The following ABI3BP variants were observed in gnomAD, a reference collection of about 807,000 sequenced individuals.
ABI3BP encodes ABI family member 3 binding protein.
A neutral mutation model predicts 268.6 loss-of-function variants in ABI3BP; 216 were observed. The ratio of observed to expected loss-of-function variants is 0.80; its 90% CI spans 0.72 to 0.90. The LOEUF is 0.90. Among genes scored for constraint, ABI3BP ranks in the 40% least tolerant of loss-of-function variants. The pLI is 0.00. For missense variants in ABI3BP, 2,090 were observed against 2,182.4 expected (o/e 0.96, Z 0.84); for synonymous variants, 730 against 730.0 (o/e 1.00, Z 0.00).
intron 14 of ABI3BP, among the ~76,000 whole-genome samples, chr3:100,854,316 G>A (rs531365342): frequency 5.9e-5 from 9 of 152,052 alleles, no homozygotes; most frequent in Non-Finnish European, 8.8e-5. Flanking sequence ...CCGAGATCTC[G>A]CCACTGCACT....
chr3:100,993,421 T>C lies in ABI3BP; in HGVS notation c.-37A>G. ...CACCTCGCATGGGGAATGATGCTGGTGGGTGCCTCGCAACCCTGGAGCTGC... is the reference window on the plus strand; with the variant it reads ...CACCTCGCATGGGGAATGATGCTGGCGGGTGCCTCGCAACCCTGGAGCTGC... On this transcript the variant is annotated 5_prime_UTR_variant, in exon 1 of 68. Coordinates refer to ENST00000471714, the MANE Select transcript of ABI3BP (RefSeq NM_001375547.2). 1 of 1,537,580 alleles carries C rather than the reference T, an allele frequency of 6.5e-7. No individual in the cohort carries two copies.
In ABI3BP at chr3:100,846,385, T is replaced by G; in HGVS notation, c.1710A>C (p.Thr570=). 1.9e-6 allele frequency: 3 copies of G among 1,599,966 alleles called. No individual in the cohort carries two copies. Among genetic ancestry groups the G allele is most frequent in the Non-Finnish European group, 2.6e-6 (3 of 1,172,564 alleles). Residue 570 remains threonine, a synonymous_variant, in exon 20 of 68, where the codon ACA becomes ACC. Transcript: ENST00000471714. ...KPKIPLSPEV[T]HTKPAPEPQT... ...TAGGGTAATTACCAGGTTTGGTGTG[T>G]GTCACTTCTGGGCTGAGAGGGATTT...
intron 14 of ABI3BP, among the ~76,000 whole-genome samples, chr3:100,857,278 G>T (rs1056992365): frequency 1.6e-4 from 25 of 152,142 alleles, no homozygotes; most frequent in Non-Finnish European, 2.9e-4. Flanking sequence ...ATGTGAAGGG[G>T]TGGCAGCCAA....
intron 51 of ABI3BP, among the ~76,000 whole-genome samples, chr3:100,802,296 G>C (rs2097555493): frequency 6.6e-6 from 1 of 152,156 alleles, no homozygotes; most frequent in African/African-American, 2.4e-5. Context: ...GTTTGCTCCT[G>C]ATGACTGAAA....
chr3:100,792,061 T>C lies in ABI3BP; in HGVS notation c.4024+630A>G, dbSNP rs994165953. On this transcript the variant is annotated intron_variant, in intron 55 of 67. Transcript: ENST00000471714. ...CACAAGTGTTATAACCTAAGTAGGA[T>C]AGTAGGATAGAAAAGTGTAAAGAGG... 4.0e-5 allele frequency among the ~76,000 whole-genome samples: 6 copies of C among 151,810 alleles called. No homozygotes were observed. In the East Asian group the frequency reaches 9.7e-4, roughly 25 times the overall value.
chr3:100,950,273 A>T (rs994718718), intron 1 of ABI3BP, among the ~76,000 whole-genome samples: 1 of 152,188 alleles, frequency 6.6e-6, no homozygotes, highest in Non-Finnish European at 1.5e-5. Context: ...ACAAACACAT[A>T]CAATAGTTTT....
At chr3:100,928,111 G>A (rs2062419976) in intron 1 of ABI3BP, among the ~76,000 whole-genome samples, 1 of 151,848 alleles carries the variant, frequency 6.6e-6, no homozygotes, top group African/African-American at 2.4e-5. Flanking sequence ...AGACCCCATT[G>A]AGGAAGTTAT....
intron 50 of ABI3BP, among the ~76,000 whole-genome samples, chr3:100,807,587 A>C (rs945607631): frequency 6.6e-6 from 1 of 151,970 alleles, no homozygotes; most frequent in African/African-American, 2.4e-5. Context: ...GCAAAACAAG[A>C]ATGACAGTAC....
intron 12 of ABI3BP, 178 bp downstream of exon 12, chr3:100,863,824 A>G: frequency 1.8e-6 from 1 of 559,558 alleles, no homozygotes; most frequent in African/African-American, 1.9e-5. Flanking sequence ...CTTAAAAGAA[A>G]AACAACCCAA....
rs540231748 is a variant in ABI3BP at position 100,752,356 on chromosome 3, A to G, written c.5122+431T>C. ...CCAGGCCTATTCATTAAAAATTTTT[A>G]CTCTGTAAATATAGAAAATTATAAC... On this transcript the variant is annotated intron_variant, in intron 66 of 67. Transcript: ENST00000471714. Among the ~76,000 whole-genome samples the G allele has an allele frequency of 3.9e-5, 6 of 152,242 alleles. No individual in the cohort carries two copies. In the East Asian group the frequency reaches 9.7e-4, roughly 25 times the overall value.
chr3:100,821,892 C>T (rs1396667100), intron 38 of ABI3BP, among the ~76,000 whole-genome samples: 1 of 152,070 alleles, frequency 6.6e-6, no homozygotes. Flanking sequence ...TGAGCCACTG[C>T]GCCCAGCAAA....
chr3:100,861,278 T>C (rs1466721006), intron 14 of ABI3BP, among the ~76,000 whole-genome samples: 1 of 152,156 alleles, frequency 6.6e-6, no homozygotes, highest in East Asian at 1.9e-4. Context: ...TCTGAGCCCA[T>C]TACATATACT....
rs147843358 is a variant in ABI3BP at position 100,904,672 on chromosome 3, G to A, written c.260-1986C>T. 3.4e-4 allele frequency among the ~76,000 whole-genome samples: 51 copies of A among 151,964 alleles called. No homozygotes were observed. In the East Asian group the frequency reaches 9.3e-3, roughly 28 times the overall value. ...CACTTTAAGAAATATGAATATCATC[G>A]CTGGCCATCAGAGAAATGCAAATCA... is the stretch of plus-strand genomic sequence containing the variant. On this transcript the variant is annotated intron_variant, in intron 2 of 67. Transcript: ENST00000471714.
chr3:100,959,648 G>C (rs1210258046), intron 1 of ABI3BP, among the ~76,000 whole-genome samples: 1 of 152,030 alleles, frequency 6.6e-6, no homozygotes, highest in African/African-American at 2.4e-5. Context: ...ACCTTCTTTT[G>C]GTTGTAGGCT....
At chr3:100,845,618 A>T (rs78459910) in intron 20 of ABI3BP, among the ~76,000 whole-genome samples, 7,345 of 152,232 alleles carry the variant, frequency 0.048, 218 homozygotes, top group Non-Finnish European at 0.052. Flanking sequence ...GTGAGAAATA[A>T]TTTCTTCCCA....
chr3:100,758,275 GATA>G (rs777689581), intron 63 of ABI3BP, among the ~76,000 whole-genome samples: 2 of 152,100 alleles, frequency 1.3e-5, no homozygotes, highest in Non-Finnish European at 2.9e-5. Flanking sequence ...TAAAAATGAG[GATA>G]ATGCTATTTG....
chr3:100,754,618 C>G lies in ABI3BP; in HGVS notation c.4924G>C (p.Glu1642Gln). The change falls in exon 64 of 68, where the codon GAA (glutamate) becomes CAA (glutamine). Residue 1642 changes from glutamate to glutamine, a missense_variant. Physicochemically the swap from Glu to Gln is conservative, Grantham distance 29 (BLOSUM62 2). Transcript: ENST00000471714. ...PVSNTVAFSTESADPRVSEPV... is the reference protein window; with the variant it reads ...PVSNTVAFSTQSADPRVSEPV... ...TTACTGTTGATGTAATTACCTGATT[C>G]AGTACTGAATGCCACTGTGTTGCTG... The G allele has an allele frequency of 1.3e-6, 2 of 1,581,814 alleles. No homozygotes were observed. The highest frequency in any genetic ancestry group is 1.7e-6 in the Non-Finnish European group (2 of 1,162,570).
At chr3:100,882,702 A>T (rs1209182106) in intron 6 of ABI3BP, among the ~76,000 whole-genome samples, 1 of 152,054 alleles carries the variant, frequency 6.6e-6, no homozygotes, top group African/African-American at 2.4e-5. Context: ...GGGGAAAAAA[A>T]TTAAATTCCC....
chr3:100,891,231 T>C (rs2044497572), intron 4 of ABI3BP, among the ~76,000 whole-genome samples: 1 of 152,220 alleles, frequency 6.6e-6, no homozygotes, highest in African/African-American at 2.4e-5. Context: ...GTCAACTATT[T>C]CTAAGATCTC....
Sources: allele counts gnomAD v4.1 joint callset (sites outside exome capture counted in the v4.1 genomes callset), GRCh38; gene constraint gnomAD v4.1.1; transcripts MANE v1.5; gene names NCBI Gene and HGNC (gene_info 2026-07-23, HGNC 2026-07-21).